The following MYO1B variants were observed in gnomAD, a reference collection of about 807,000 sequenced individuals.
MYO1B encodes the protein myosin IB.
In MYO1B, 72 loss-of-function variants were observed where a neutral mutation model predicts 159.7. The ratio of observed to expected loss-of-function variants is 0.45; its 90% CI spans 0.37 to 0.55. MYO1B has a LOEUF of 0.55. MYO1B is among the 20% of genes least tolerant of loss of function. MYO1B has a pLI of 0.00. For missense variants in MYO1B, 1,062 were observed against 1,364.8 expected (o/e 0.78, Z 3.50); for synonymous variants, 468 against 473.8 (o/e 0.99, Z 0.16).
At chr2:191,386,165 A>G (rs1559222659) in intron 16 of MYO1B, 81 bp downstream of exon 16, 1 of 1,308,646 alleles carries the variant, frequency 7.6e-7, no homozygotes, top group Non-Finnish European at 1.1e-6. Flanking sequence ...TGGGCGTTCG[A>G]AACCCCATTA....
chr2:191,327,072 A>C (rs1261991154), intron 3 of MYO1B, among the ~76,000 whole-genome samples: 1 of 152,204 alleles, frequency 6.6e-6, no homozygotes, highest in Non-Finnish European at 1.5e-5. Flanking sequence ...TTGGAGGAGC[A>C]GAAGGGGAGG....
At chr2:191,381,107 G>T (rs1011132634) in intron 13 of MYO1B, 1 of 339,230 alleles carries the variant, frequency 2.9e-6, no homozygotes, top group East Asian at 7.4e-5. Context: ...GAGAATGGGA[G>T]ATTCAGAACT....
At chr2:191,353,207 G>A (rs1047768500) in intron 7 of MYO1B, among the ~76,000 whole-genome samples, 6 of 152,084 alleles carry the variant, frequency 3.9e-5, no homozygotes, top group Non-Finnish European at 8.8e-5. Flanking sequence ...AAATATAGAA[G>A]CACATCCAAA....
At chr2:191,276,853 C>A (rs184584959) in intron 1 of MYO1B, 34 bp from the exon 2 acceptor site, 1 of 1,571,822 alleles carries the variant, frequency 6.4e-7, no homozygotes, top group Non-Finnish European at 8.6e-7. Context: ...TTATTTTGCT[C>A]GTTTAAATTG....
chr2:191,392,960 T>G, intron 19 of MYO1B, 113 bp from the exon 20 acceptor site: 1 of 897,004 alleles, frequency 1.1e-6, no homozygotes, highest in East Asian at 2.5e-5. Flanking sequence ...CAGTTCTTTT[T>G]TTCAATGTAA....
intron 24 of MYO1B, 76 bp from the exon 25 acceptor site, chr2:191,408,039 T>G: frequency 1.1e-6 from 1 of 933,132 alleles, no homozygotes. Context: ...ATTTTTTCAT[T>G]TTTAATAGAG....
intron 22 of MYO1B, 104 bp from the exon 23 acceptor site, chr2:191,400,645 A>G (rs898842141): frequency 5.0e-6 from 7 of 1,404,944 alleles, no homozygotes; most frequent in Non-Finnish European, 6.9e-6. Flanking sequence ...TGCGTTTACC[A>G]TTTGGTGGTG....
At chr2:191,254,590 C>G (rs942682144) in intron 1 of MYO1B, among the ~76,000 whole-genome samples, 1 of 151,982 alleles carries the variant, frequency 6.6e-6, no homozygotes, top group African/African-American at 2.4e-5. Context: ...GGTGCAGCCT[C>G]ATACTCCTGG....
intron 5 of MYO1B, 46 bp downstream of exon 5, chr2:191,341,611 A>T: frequency 6.8e-7 from 1 of 1,468,476 alleles, no homozygotes; most frequent in East Asian, 2.3e-5. Context: ...CAAACAGTAG[A>T]TTGAGTTATG....
At chr2:191,350,318 A>T in intron 7 of MYO1B, 93 bp downstream of exon 7, 2 of 860,820 alleles carry the variant, frequency 2.3e-6, no homozygotes, top group Non-Finnish European at 3.7e-6. Flanking sequence ...TCTTTGAGGC[A>T]TAAGAATATG....
At chr2:191,276,758 G>A in intron 1 of MYO1B, 129 bp from the exon 2 acceptor site, 1 of 1,114,698 alleles carries the variant, frequency 9.0e-7, no homozygotes, top group Middle Eastern at 2.4e-4. Flanking sequence ...GGGAGGAGAG[G>A]TTATGACATT....
At chr2:191,251,434 A>C (rs932248351) in intron 1 of MYO1B, among the ~76,000 whole-genome samples, 1 of 152,242 alleles carries the variant, frequency 6.6e-6, no homozygotes, top group Non-Finnish European at 1.5e-5. Flanking sequence ...AAAAATTGAC[A>C]TTCTTCTTTT....
chr2:191,419,165 A>G (rs1297493653), intron 30 of MYO1B, among the ~76,000 whole-genome samples: 1 of 152,190 alleles, frequency 6.6e-6, no homozygotes, highest in East Asian at 1.9e-4. Context: ...ATTATGTACA[A>G]TATGTAACTC....
chr2:191,345,874 T>G (rs913346527), intron 5 of MYO1B, among the ~76,000 whole-genome samples: 10 of 152,228 alleles, frequency 6.6e-5, no homozygotes, highest in African/African-American at 2.4e-4. Flanking sequence ...TGAAATAACC[T>G]TATTCAGTGA....
Position 191,336,387 on chromosome 2 carries a change from A to C in MYO1B, c.347-5074A>C, listed in dbSNP as rs1691844246. Among the ~76,000 whole-genome samples the C allele has an allele frequency of 2.6e-5, 4 of 152,242 alleles. No homozygotes were observed. The South Asian group carries it at 6.2e-4, about 24-fold the overall frequency. ...ATTTCACAGTGTTGAAAATACCCAC[A>C]CTGAAGCAGAATAGATAAGTGAAGT... On this transcript the variant is annotated intron_variant, in intron 4 of 30. Coordinates refer to ENST00000392318, the MANE Select transcript of MYO1B (RefSeq NM_001130158.3).
intron 13 of MYO1B, among the ~76,000 whole-genome samples, chr2:191,374,027 T>TA (rs1188007706): frequency 6.6e-6 from 1 of 152,180 alleles, no homozygotes; most frequent in Non-Finnish European, 1.5e-5. Context: ...TAGGTACTTT[T>TA]ACCTGCTTTT....
chr2:191,318,953 G>T (rs1406170730), intron 3 of MYO1B, among the ~76,000 whole-genome samples: 1 of 152,262 alleles, frequency 6.6e-6, no homozygotes, highest in Non-Finnish European at 1.5e-5. Context: ...AAAGTCCAGG[G>T]CCAGGCTCTG....
intron 21 of MYO1B, among the ~76,000 whole-genome samples, chr2:191,397,404 A>G (rs1696184092): frequency 6.7e-6 from 1 of 149,854 alleles, no homozygotes; most frequent in Admixed American, 6.6e-5. Context: ...CTTAACGAGC[A>G]TGCTGACTTC....
intron 17 of MYO1B, chr2:191,387,733 T>C (rs1695479616): frequency 4.8e-6 from 2 of 418,634 alleles, no homozygotes; most frequent in Non-Finnish European, 8.6e-6. Context: ...ATGTTTATTA[T>C]TATTTTTTTA....
Sources: allele counts gnomAD v4.1 joint callset (sites outside exome capture counted in the v4.1 genomes callset), GRCh38; gene constraint gnomAD v4.1.1; transcripts MANE v1.5; gene names NCBI Gene and HGNC (gene_info 2026-07-23, HGNC 2026-07-21).